ADGRG7: variants seen among roughly 807,000 people sequenced by gnomAD.
ADGRG7 encodes the protein G-protein coupled receptor 128.
In ADGRG7, 82 loss-of-function variants were observed where a neutral mutation model predicts 88.6. The observed-to-expected ratio is 0.93, with a 90% CI of 0.77 to 1.11. The LOEUF is 1.11. ADGRG7 is among the 50% of genes most tolerant of loss of function. The pLI is 0.00. For synonymous variants in ADGRG7, 381 were observed against 345.2 expected, an observed-to-expected ratio of 1.10 and a Z score of -1.15; for missense variants, 945 against 953.4, an observed-to-expected ratio of 0.99 and a Z score of 0.12.
At chr3:100,611,337 T>G (rs1707151372) in intron 1 of ADGRG7, among the ~76,000 whole-genome samples, 1 of 151,482 alleles carries the variant, frequency 6.6e-6, no homozygotes. Context: ...CCTCCCTTCC[T>G]TCCCCCCGTT....
In ADGRG7 at chr3:100,629,635, C is replaced by A. The variant is rs1707431381; in HGVS notation, c.153C>A (p.Phe51Leu). 2 of 1,613,298 alleles carry A rather than the reference C, an allele frequency of 1.2e-6. No individual in the cohort carries two copies. ...STSSSSTPTE[F>L]CRNGGTWENG... ...CCTCATCAAGCACCCCTACAGAGTT[C>A]TGCAGGAATGGTGGAACCTGGGAAA... Residue 51 changes from phenylalanine to leucine, a missense_variant, in exon 2 of 16, where the codon TTC becomes TTA. Phe to Leu is a conservative substitution (Grantham distance 22). Transcript: ENST00000273352.
At chr3:100,657,870 A>G (rs937062934) in intron 13 of ADGRG7, among the ~76,000 whole-genome samples, 3 of 152,250 alleles carry the variant, frequency 2.0e-5, no homozygotes, top group Non-Finnish European at 2.9e-5. Flanking sequence ...TCAGATTAGA[A>G]ATATGATTTC....
intron 6 of ADGRG7, among the ~76,000 whole-genome samples, chr3:100,639,862 T>G (rs1449433130): frequency 6.6e-6 from 1 of 152,130 alleles, no homozygotes; most frequent in African/African-American, 2.4e-5. Flanking sequence ...ATCCAAATAG[T>G]TTTAAAGGAG....
At chr3:100,663,162 G>A (rs145574744) in intron 14 of ADGRG7, among the ~76,000 whole-genome samples, 3 of 152,118 alleles carry the variant, frequency 2.0e-5, no homozygotes, top group Admixed American at 6.5e-5. Flanking sequence ...TGTACGGCAG[G>A]TCAATATTAT....
intron 14 of ADGRG7, among the ~76,000 whole-genome samples, chr3:100,662,287 G>A (rs62274006): frequency 0.03 from 4,496 of 152,200 alleles, 88 homozygotes; most frequent in Non-Finnish European, 0.046. Flanking sequence ...GATAAAAGGG[G>A]AGGGAAAAGT....
At chr3:100,691,166 G>T (rs2094993032) in intron 15 of ADGRG7, among the ~76,000 whole-genome samples, 1 of 152,226 alleles carries the variant, frequency 6.6e-6, no homozygotes, top group African/African-American at 2.4e-5. Flanking sequence ...TCCGACCCAG[G>T]TGCGAGATAT....
chr3:100,643,843 A>C (rs1175674873), intron 8 of ADGRG7, among the ~76,000 whole-genome samples: 3 of 152,210 alleles, frequency 2.0e-5, no homozygotes, highest in Non-Finnish European at 4.4e-5. Flanking sequence ...TTTTTTCAAA[A>C]GCCTTTTGGA....
intron 15 of ADGRG7, among the ~76,000 whole-genome samples, chr3:100,686,623 T>G (rs1195101598): frequency 2.6e-5 from 4 of 152,214 alleles, no homozygotes; most frequent in Non-Finnish European, 5.9e-5. Flanking sequence ...CACTATTTAT[T>G]AAATAGGGAA....
intron 2 of ADGRG7, among the ~76,000 whole-genome samples, chr3:100,630,295 C>T (rs191888109): frequency 2.0e-5 from 3 of 152,262 alleles, no homozygotes; most frequent in Admixed American, 2.0e-4. Context: ...TAGATATCCA[C>T]TGCTATCATT....
At chr3:100,634,435 T>C (rs2149018806) in intron 4 of ADGRG7, among the ~76,000 whole-genome samples, 1 of 152,354 alleles carries the variant, frequency 6.6e-6, no homozygotes, top group Non-Finnish European at 1.5e-5. Context: ...ATTTAATTTT[T>C]ATAACACCAT....
chr3:100,665,694 G>A (rs2149033493), intron 14 of ADGRG7, among the ~76,000 whole-genome samples: 1 of 152,308 alleles, frequency 6.6e-6, no homozygotes, highest in Non-Finnish European at 1.5e-5. Context: ...GGAAAAAATA[G>A]TATGTTTAAT....
intron 10 of ADGRG7, among the ~76,000 whole-genome samples, chr3:100,648,285 AT>A (rs1434167100): frequency 6.8e-6 from 1 of 146,960 alleles, no homozygotes; most frequent in Non-Finnish European, 1.5e-5. Context: ...GGTTTGCATT[AT>A]TTTTTTAAAT....
chr3:100,647,028 A>C (rs1707763458), intron 10 of ADGRG7, among the ~76,000 whole-genome samples: 1 of 152,008 alleles, frequency 6.6e-6, no homozygotes, highest in Non-Finnish European at 1.5e-5. Flanking sequence ...GTAGTGGTGC[A>C]CGCCTGTAAT....
intron 13 of ADGRG7, among the ~76,000 whole-genome samples, chr3:100,658,540 C>G (rs940833840): frequency 1.1e-4 from 16 of 152,176 alleles, no homozygotes; most frequent in African/African-American, 3.9e-4. Context: ...TGTGGTTCAG[C>G]CACACTAGCC....
intron 14 of ADGRG7, among the ~76,000 whole-genome samples, chr3:100,664,125 G>C (rs2094948885): frequency 6.6e-6 from 1 of 151,996 alleles, no homozygotes; most frequent in Non-Finnish European, 1.5e-5. Flanking sequence ...ATAAATTTCA[G>C]ATATACGCAT....
rs758609232 is a variant in ADGRG7 at position 100,694,870 on chromosome 3, C to T, written c.2263C>T (p.Leu755=). 3.1e-6 allele frequency: 5 copies of T among 1,614,152 alleles called. No homozygotes were observed. Among genetic ancestry groups the T allele is most frequent in the South Asian group, 1.1e-5 (1 of 91,086 alleles). ...ATTGCCTTCAGTGACGCGGCCGAGG[C>T]TGCGTGTAAAGATGTATAATTTCCT... ...KSLPSVTRPR[L]RVKMYNFLRS... Residue 755 remains leucine (L), a synonymous_variant, in exon 16 of 16, where the codon CTG becomes TTG. Coordinates refer to ENST00000273352, the MANE Select transcript of ADGRG7 (RefSeq NM_032787.3).
rs762019879 is a variant in ADGRG7, at chr3:100,645,193, G to A, written c.947-752G>A. Among the ~76,000 whole-genome samples, 14 of 152,252 alleles carry A rather than the reference G, an allele frequency of 9.2e-5. 1 individual carries two copies. Among genetic ancestry groups the A allele is most frequent in the Non-Finnish European group, 1.5e-5 (1 of 68,042 alleles). ...TTAAATATGCCAACAGTTGTATAAG[G>A]TGTTAGGAGGCAGTCCTGGTTCTCT... On this transcript the variant is annotated intron_variant, in intron 8 of 15. Coordinates refer to ENST00000273352, the MANE Select transcript of ADGRG7 (RefSeq NM_032787.3).
At chr3:100,629,403 T>C (rs553125718) in intron 1 of ADGRG7, among the ~76,000 whole-genome samples, 195 bp from the exon 2 acceptor site, 9 of 152,164 alleles carry the variant, frequency 5.9e-5, no homozygotes, top group East Asian at 1.9e-4. Flanking sequence ...CTGGTATCCA[T>C]AGCATCTAGT....
At chr3:100,671,587 T>C (rs982221800) in intron 15 of ADGRG7, among the ~76,000 whole-genome samples, 11 of 152,352 alleles carry the variant, frequency 7.2e-5, no homozygotes, top group African/African-American at 2.2e-4. Flanking sequence ...ATTTTGGCTT[T>C]TGTTGCCATT....
Sources: gnomAD v4.1 joint callset for allele counts (sites outside exome capture counted in the v4.1 genomes callset) on GRCh38, gnomAD v4.1.1 for gene constraint, MANE v1.5 for transcripts, NCBI Gene and HGNC (gene_info 2026-07-23, HGNC 2026-07-21) for gene names.